SIN3A: variants seen among roughly 807,000 people sequenced by gnomAD.
The protein encoded by SIN3A is SIN3 transcription regulator family member A, also known as paired amphipathic helix protein Sin3a.
Under a neutral mutation model 146.1 loss-of-function variants are expected in SIN3A, and 14 were observed. The observed-to-expected ratio is 0.10, with a 90% CI of 0.06 to 0.15. The LOEUF (loss-of-function observed/expected upper bound fraction) is 0.15, where lower values mean the gene tolerates loss of function less well. Among genes scored for constraint, SIN3A ranks in the 10% least tolerant of loss-of-function variants. SIN3A has a pLI of 1.00. For missense variants in SIN3A, 1,028 were observed against 1,576.0 expected (o/e 0.65, Z 5.89); for synonymous variants, 572 against 572.0 (o/e 1.00, Z 0.00).
chr15:75,400,350 A>C (rs1050276385), intron 11 of SIN3A, among the ~76,000 whole-genome samples, 194 bp from the exon 12 acceptor site: 1 of 152,256 alleles, frequency 6.6e-6, no homozygotes, highest in African/African-American at 2.4e-5. Context: ...ATATAATTCC[A>C]GTGCTTTGGG....
In SIN3A at chr15:75,440,509, G is replaced by C. The variant is rs557660206; in HGVS notation, c.-33-10101C>G. Among the ~76,000 whole-genome samples the C allele has an allele frequency of 1.2e-4, 19 of 152,208 alleles. 1 individual carries two copies. In the South Asian group the frequency reaches 3.7e-3, roughly 30 times the overall value. On this transcript the variant is annotated intron_variant, in intron 1 of 20. Transcript: ENST00000394947. ...AGCCACCCAAAGTGCTGGGATTACA[G>C]GTGTGAGCCACCATGCCCAGCCTTA...
intron 1 of SIN3A, among the ~76,000 whole-genome samples, chr15:75,430,748 T>A (rs2074000002): frequency 1.3e-5 from 2 of 152,186 alleles, no homozygotes; most frequent in African/African-American, 4.8e-5. Context: ...ATTAATTACA[T>A]ATCTACATGC....
intron 1 of SIN3A, among the ~76,000 whole-genome samples, chr15:75,436,144 C>CA (rs1463606087): frequency 1.5e-4 from 22 of 142,790 alleles, no homozygotes; most frequent in Admixed American, 4.2e-4. Context: ...AAAAAAAAAA[C>CA]AAAAAAAACA....
chr15:75,420,191 G>A (rs1595913522), intron 3 of SIN3A: 2 of 152,092 alleles, frequency 1.3e-5, no homozygotes, highest in African/African-American at 4.8e-5. Flanking sequence ...ACAAGCAACT[G>A]TAAAGATAAC....
chr15:75,424,992 T>C (rs181917189), intron 2 of SIN3A, among the ~76,000 whole-genome samples: 182 of 152,278 alleles, frequency 1.2e-3, no homozygotes, highest in Non-Finnish European at 2.2e-3. Context: ...GTACTGTATA[T>C]AAACTTTTAA....
At chr15:75,427,284 A>G (rs2073940895) in intron 2 of SIN3A, among the ~76,000 whole-genome samples, 2 of 152,042 alleles carry the variant, frequency 1.3e-5, no homozygotes, top group African/African-American at 4.8e-5. Flanking sequence ...GGGGCATGAG[A>G]ATCACTTGAA....
chr15:75,435,177 A>C (rs1391266333), intron 1 of SIN3A, among the ~76,000 whole-genome samples: 1 of 152,074 alleles, frequency 6.6e-6, no homozygotes, highest in Non-Finnish European at 1.5e-5. Flanking sequence ...ATAAGAAATG[A>C]ACTCTAAAAC....
chr15:75,450,870 C>T (rs1272933049), intron 1 of SIN3A, among the ~76,000 whole-genome samples: 1 of 152,172 alleles, frequency 6.6e-6, no homozygotes. Context: ...AACCCGGGGC[C>T]TGGGCGGGGT....
intron 2 of SIN3A, among the ~76,000 whole-genome samples, chr15:75,423,829 C>A (rs1385931294): frequency 6.6e-6 from 1 of 151,942 alleles, no homozygotes; most frequent in Non-Finnish European, 1.5e-5. Flanking sequence ...CCTGTCTCTA[C>A]TGAAAATACC....
At chr15:75,412,246 A>T (rs1177595454) in intron 5 of SIN3A, among the ~76,000 whole-genome samples, 1 of 152,240 alleles carries the variant, frequency 6.6e-6, no homozygotes, top group African/African-American at 2.4e-5. Context: ...GCAAATGAAA[A>T]ACTGAATTTA....
In SIN3A at chr15:75,370,476, T is replaced by G. The variant is rs553950419; in HGVS notation, c.*1503A>C. ...GTTCAGAAAGTCCAGGTTAACCACA[T>G]AGAAAAATCCTAATCATTCATGTTT... On this transcript the variant is annotated 3_prime_UTR_variant, in exon 21 of 21. Coordinates refer to ENST00000394947, the MANE Select transcript of SIN3A (RefSeq NM_001145358.2). 2.6e-5 allele frequency: 4 copies of G among 152,206 alleles called. No individual in the cohort carries two copies. The highest frequency in any genetic ancestry group is 5.9e-5 in the Non-Finnish European group (4 of 68,034). The allele number at this position is 152,206 out of a possible 1,614,324, so 9.4% of individuals were successfully genotyped here.
At chr15:75,426,475 A>C (rs2073927884) in intron 2 of SIN3A, among the ~76,000 whole-genome samples, 1 of 152,262 alleles carries the variant, frequency 6.6e-6, no homozygotes, top group Non-Finnish European at 1.5e-5. Context: ...GTCAGTTTAT[A>C]TTCCCATTAC....
chr15:75,388,175 G>A (rs1414062854), intron 16 of SIN3A: 1 of 152,180 alleles, frequency 6.6e-6, no homozygotes, highest in Non-Finnish European at 1.5e-5. Context: ...ATTAGAAATT[G>A]CTTTTTACAA....
chr15:75,383,757 G>A (rs1031027528), intron 17 of SIN3A, among the ~76,000 whole-genome samples: 5 of 152,062 alleles, frequency 3.3e-5, no homozygotes, highest in Admixed American at 1.3e-4. Context: ...GAGTAGCTGA[G>A]ACTACAGGTG....
intron 19 of SIN3A, among the ~76,000 whole-genome samples, chr15:75,380,011 T>C (rs895304898): frequency 2.0e-5 from 3 of 152,180 alleles, no homozygotes; most frequent in Non-Finnish European, 2.9e-5. Context: ...CCTAAACTAT[T>C]TGTACAAACT....
In SIN3A at chr15:75,422,841, C is replaced by G. The variant is rs2073861916; in HGVS notation, c.190-18G>C. ...GCTGAAACCTGGGGTGAACAAAATA[C>G]AGACAGGAAACTTCAAGGCTTGTAC... On this transcript the variant is annotated intron_variant, in intron 2 of 20. Coordinates refer to ENST00000394947, the MANE Select transcript of SIN3A (RefSeq NM_001145358.2). 4 of 1,602,588 alleles carry G rather than the reference C, an allele frequency of 2.5e-6. No individual in the cohort carries two copies. The highest frequency in any genetic ancestry group is 3.4e-6 in the Non-Finnish European group (4 of 1,170,948).
At position 75,412,876 on chromosome 15, in the gene SIN3A, C is replaced by T. The variant is rs754112981; in HGVS notation, c.643G>A (p.Gly215Ser). 9.9e-6 allele frequency: 16 copies of T among 1,613,322 alleles called. No individual in the cohort carries two copies. Among genetic ancestry groups the T allele is most frequent in the Non-Finnish European group, 1.4e-5 (16 of 1,179,726 alleles). The change falls in exon 5 of 21, where the codon GGC becomes AGC. Residue 215 changes from glycine (G) to serine (S), a missense_variant. Gly to Ser is a moderately conservative substitution (Grantham distance 56). Coordinates refer to ENST00000394947, the MANE Select transcript of SIN3A (RefSeq NM_001145358.2). The stretch of plus-strand genomic sequence containing the variant: ...GGTGGTTGAGGCTGTGGCTGGATGC[C>T]ATGGGTGGGAATCTGATGAACCTGG... ...PGQVHQIPTH[G>S]IQPQPQPPPQ...
intron 1 of SIN3A, among the ~76,000 whole-genome samples, chr15:75,435,628 G>GTAGA (rs2074093683): frequency 6.6e-6 from 1 of 151,300 alleles, no homozygotes; most frequent in African/African-American, 2.4e-5. Flanking sequence ...AACCCAGGAG[G>GTAGA]TAGAGGTTGA....
rs1333225430 is a variant in SIN3A at position 75,392,246 on chromosome 15, T to C, written c.2847A>G (p.Glu949=). The change falls in exon 15 of 21, where the codon GAA becomes GAG. Residue 949 remains glutamate, a synonymous_variant. Transcript: ENST00000394947. ...DSPAIQLRLK[E]PMDVDVEDYY... is the part of the protein sequence containing the mutation. ...ATCAGAGGTCTCGGCACTCACTAGG[T>C]TCTTTGAGACGTAGCTGAATGGCAG... 2 of 1,612,222 alleles carry C rather than the reference T, an allele frequency of 1.2e-6. No individual in the cohort carries two copies. The highest frequency in any genetic ancestry group is 1.7e-6 in the Non-Finnish European group (2 of 1,178,564).
Sources: allele counts gnomAD v4.1 joint callset (sites outside exome capture counted in the v4.1 genomes callset), GRCh38; gene constraint gnomAD v4.1.1; transcripts MANE v1.5; gene names NCBI Gene and HGNC (gene_info 2026-07-23, HGNC 2026-07-21).